TANC2: variants seen among roughly 807,000 people sequenced by gnomAD.
TANC2 encodes protein TANC2.
In TANC2, 26 loss-of-function variants were observed where a neutral mutation model predicts 210.5. The observed-to-expected ratio is 0.12, with a 90% CI of 0.09 to 0.17. The LOEUF is 0.17. Among genes scored for constraint, TANC2 ranks in the 10% least tolerant of loss-of-function variants. TANC2 has a pLI of 1.00. For synonymous variants in TANC2, 931 were observed against 967.1 expected, an observed-to-expected ratio of 0.96 and a Z score of 0.69; for missense variants, 2,129 against 2,608.9, an observed-to-expected ratio of 0.82 and a Z score of 4.01.
At chr17:63,417,936 A>G (rs1459835782) in intron 26 of TANC2, among the ~76,000 whole-genome samples, 3 of 152,214 alleles carry the variant, frequency 2.0e-5, no homozygotes, top group Non-Finnish European at 4.4e-5. Flanking sequence ...ACCAGGGTCC[A>G]CGTGAAATGT....
intron 1 of TANC2, among the ~76,000 whole-genome samples, chr17:62,990,944 C>T (rs1457415525): frequency 2.6e-5 from 4 of 151,986 alleles, no homozygotes; most frequent in Admixed American, 6.6e-5. Flanking sequence ...AGGGAACTGA[C>T]TAAAAAAGCA....
At chr17:63,143,430 T>C (rs2039356949) in intron 4 of TANC2, among the ~76,000 whole-genome samples, 1 of 152,226 alleles carries the variant, frequency 6.6e-6, no homozygotes, top group Non-Finnish European at 1.5e-5. Context: ...GTCATAATTA[T>C]TCTAGAGCTT....
intron 8 of TANC2, among the ~76,000 whole-genome samples, chr17:63,257,735 T>C (rs967406848): frequency 6.6e-6 from 1 of 152,214 alleles, no homozygotes; most frequent in East Asian, 1.9e-4. Context: ...AACCAACTAA[T>C]AAGCAAAGAG....
chr17:63,329,202 CAAT>C (rs1406912078), intron 11 of TANC2, among the ~76,000 whole-genome samples: 5 of 150,552 alleles, frequency 3.3e-5, no homozygotes, highest in Non-Finnish European at 7.4e-5. Flanking sequence ...TTTAATGAAT[CAAT>C]AAAAATTTTA....
chr17:63,407,783 C>T (rs760725916), intron 21 of TANC2, among the ~76,000 whole-genome samples: 8 of 151,970 alleles, frequency 5.3e-5, no homozygotes, highest in East Asian at 1.9e-4. Context: ...TACAGGCGTC[C>T]GTTGAGTTAG....
chr17:63,377,124 GC>G (rs1449081402), intron 14 of TANC2, among the ~76,000 whole-genome samples: 1 of 152,188 alleles, frequency 6.6e-6, no homozygotes, highest in African/African-American at 2.4e-5. Context: ...AAGGCCCTGG[GC>G]CCAGCCCACT....
At chr17:63,128,250 G>T (rs915846666) in intron 4 of TANC2, among the ~76,000 whole-genome samples, 19 of 152,082 alleles carry the variant, frequency 1.2e-4, no homozygotes, top group Non-Finnish European at 2.4e-4. Context: ...TAATTGGGTT[G>T]TTTCTAACAC....
chr17:63,366,542 T>G (rs2047115093), intron 14 of TANC2, among the ~76,000 whole-genome samples: 1 of 152,172 alleles, frequency 6.6e-6, no homozygotes, highest in Admixed American at 6.5e-5. Context: ...CCTAAAGACT[T>G]CTTGTTGGAA....
intron 1 of TANC2, among the ~76,000 whole-genome samples, chr17:62,995,832 C>T (rs188554918): frequency 2.0e-5 from 3 of 152,260 alleles, no homozygotes; most frequent in African/African-American, 7.2e-5. Context: ...TAGTGGTGTG[C>T]GCCGGTAGTC....
At chr17:63,382,294 C>G (rs895125576) in intron 15 of TANC2, among the ~76,000 whole-genome samples, 1 of 152,170 alleles carries the variant, frequency 6.6e-6, no homozygotes, top group African/African-American at 2.4e-5. Flanking sequence ...CATTCTTACT[C>G]AGCTCCTTTT....
chr17:63,209,547 C>A (rs1321241091), intron 7 of TANC2, among the ~76,000 whole-genome samples: 1 of 152,164 alleles, frequency 6.6e-6, no homozygotes, highest in Non-Finnish European at 1.5e-5. Flanking sequence ...GATTCTCCTG[C>A]CTCAGCCTCC....
At chr17:63,308,713 T>C (rs2045011533) in intron 9 of TANC2, among the ~76,000 whole-genome samples, 1 of 152,214 alleles carries the variant, frequency 6.6e-6, no homozygotes, top group Non-Finnish European at 1.5e-5. Flanking sequence ...TGTGTTTCAA[T>C]TGATGTAGTT....
intron 3 of TANC2, among the ~76,000 whole-genome samples, chr17:63,081,962 A>G (rs2036789736): frequency 6.6e-6 from 1 of 152,104 alleles, no homozygotes; most frequent in Non-Finnish European, 1.5e-5. Context: ...TCAGGAGATC[A>G]AGACCATCCT....
In TANC2 at chr17:63,255,056, A is replaced by G. The variant is rs184170921; in HGVS notation, c.1034-12692A>G. Among the ~76,000 whole-genome samples, 5 of 141,142 alleles carry G rather than the reference A, an allele frequency of 3.5e-5. No individual in the cohort carries two copies. The East Asian group carries it at 8.0e-4, about 22-fold the overall frequency. The allele number at this position is 141,142 out of a possible 152,430, so 92.6% of individuals were successfully genotyped here. On this transcript the variant is annotated intron_variant, in intron 8 of 27. Coordinates refer to ENST00000689528, the Ensembl canonical transcript of TANC2. ...AGTTTGAGTAGGATTGGGAATAGTT[A>G]TTTTTTATTTATTTATTTATTTATT...
intron 9 of TANC2, among the ~76,000 whole-genome samples, chr17:63,281,734 A>G (rs2044064809): frequency 6.6e-6 from 1 of 152,124 alleles, no homozygotes; most frequent in African/African-American, 2.4e-5. Flanking sequence ...TTAAATTAAA[A>G]TGAGATCACG....
At chr17:63,309,916 A>G (rs1369903581) in intron 9 of TANC2, among the ~76,000 whole-genome samples, 1 of 151,980 alleles carries the variant, frequency 6.6e-6, no homozygotes, top group Non-Finnish European at 1.5e-5. Context: ...AGTAAGCATT[A>G]CAAATTGGTG....
intron 5 of TANC2, among the ~76,000 whole-genome samples, chr17:63,177,250 G>A (rs1175976240): frequency 7.5e-6 from 1 of 133,474 alleles, no homozygotes; most frequent in Non-Finnish European, 1.6e-5. Context: ...GGGTGACAGA[G>A]TGAGACTCTG....
chr17:63,050,092 A>G (rs984737420), intron 2 of TANC2, among the ~76,000 whole-genome samples: 1 of 152,100 alleles, frequency 6.6e-6, no homozygotes, highest in Non-Finnish European at 1.5e-5. Flanking sequence ...TGGCTCACAC[A>G]TGTAATCCTA....
At chr17:63,283,458 C>G (rs2044123128) in intron 9 of TANC2, among the ~76,000 whole-genome samples, 1 of 148,474 alleles carries the variant, frequency 6.7e-6, no homozygotes, top group Non-Finnish European at 1.5e-5. Flanking sequence ...CGTGTGAAGC[C>G]TTATAAATTT....
Sources: gnomAD v4.1 joint callset for allele counts (sites outside exome capture counted in the v4.1 genomes callset) on GRCh38, gnomAD v4.1.1 for gene constraint, MANE v1.5 for transcripts, NCBI Gene and HGNC (gene_info 2026-07-23, HGNC 2026-07-21) for gene names.